Variants in BTG4 observed in about 807,000 individuals in gnomAD.
BTG4 encodes BTG anti-proliferation factor 4.
In BTG4, 10 loss-of-function variants were observed where a neutral mutation model predicts 19.3. That is an observed-to-expected ratio of 0.52 (90% CI 0.32 to 0.88). The LOEUF (loss-of-function observed/expected upper bound fraction) is 0.88, where lower values mean the gene tolerates loss of function less well. BTG4 is among the 40% of genes least tolerant of loss of function. BTG4 has a pLI of 0.04. For synonymous variants in BTG4, 91 were observed against 95.7 expected (o/e 0.95, Z 0.29); for missense variants, 238 against 281.9 (o/e 0.84, Z 1.11).
intron 5 of BTG4, among the ~76,000 whole-genome samples, chr11:111,488,052 G>C (rs1486033579): frequency 6.6e-6 from 1 of 152,068 alleles, no homozygotes; most frequent in African/African-American, 2.4e-5. Flanking sequence ...CAGATTCAAT[G>C]CAATCCCTAT....
the BTG4 span, among the ~76,000 whole-genome samples, chr11:111,407,176 T>C: frequency 6.7e-6 from 1 of 148,506 alleles, no homozygotes; most frequent in East Asian, 1.9e-4. Flanking sequence ...TAATACTATG[T>C]AGTATATATA....
chr11:111,486,246 G>A (rs1865053511), intron 5 of BTG4, among the ~76,000 whole-genome samples: 1 of 152,148 alleles, frequency 6.6e-6, no homozygotes, highest in Admixed American at 6.5e-5. Context: ...GAACCAGCCT[G>A]GGCAACATGG....
At chr11:111,455,797 C>T in the BTG4 span, 1 of 455,958 alleles carries the variant, frequency 2.2e-6, no homozygotes, top group South Asian at 1.6e-5. Flanking sequence ...CCACCTGTCC[C>T]AGGTCGTGCT....
chr11:111,432,035 C>G, the BTG4 span, among the ~76,000 whole-genome samples: 1 of 152,196 alleles, frequency 6.6e-6, no homozygotes, highest in Non-Finnish European at 1.5e-5. Flanking sequence ...AGCACACCAG[C>G]ACATCAGTGC....
chr11:111,392,653 A>G, the BTG4 span, among the ~76,000 whole-genome samples: 2 of 152,088 alleles, frequency 1.3e-5, no homozygotes, highest in South Asian at 4.1e-4. Context: ...TCTCTTCTAT[A>G]ACACCTAGCT....
chr11:111,391,018 G>A, the BTG4 span, among the ~76,000 whole-genome samples: 1 of 152,224 alleles, frequency 6.6e-6, no homozygotes, highest in African/African-American at 2.4e-5. Flanking sequence ...AAGCACCTTA[G>A]GTTTCTTTCG....
the BTG4 span, among the ~76,000 whole-genome samples, chr11:111,402,858 T>TTAATAA: frequency 3.8e-4 from 57 of 151,120 alleles, no homozygotes; most frequent in Admixed American, 1.6e-3. Flanking sequence ...CAAGACCAAA[T>TTAATAA]TAATAATAAT....
At chr11:111,443,387 T>C in the BTG4 span, among the ~76,000 whole-genome samples, 89 of 152,336 alleles carry the variant, frequency 5.8e-4, 1 homozygote, top group Non-Finnish European at 1.6e-4. Flanking sequence ...CAGTTAATAA[T>C]AATGTATTGG....
intron 5 of BTG4, among the ~76,000 whole-genome samples, chr11:111,480,278 C>G (rs1200540886): frequency 6.6e-6 from 1 of 151,864 alleles, no homozygotes; most frequent in Non-Finnish European, 1.5e-5. Context: ...GTCAATCTAC[C>G]AAGAATACAT....
the BTG4 span, among the ~76,000 whole-genome samples, chr11:111,388,263 T>C: frequency 6.6e-6 from 1 of 151,440 alleles, no homozygotes; most frequent in Non-Finnish European, 1.5e-5. Flanking sequence ...TCAGTAGATC[T>C]GGAGTGGCCA....
At chr11:111,386,008 T>A in the BTG4 span, 2 of 152,026 alleles carry the variant, frequency 1.3e-5, no homozygotes, top group African/African-American at 2.4e-5. Context: ...CACAAAAAAA[T>A]TTAAAAATTA....
At chr11:111,444,920 C>T in the BTG4 span, among the ~76,000 whole-genome samples, 11 of 152,254 alleles carry the variant, frequency 7.2e-5, no homozygotes, top group African/African-American at 2.2e-4. Flanking sequence ...TCCAAGGCAA[C>T]GGTCAACCAA....
At chr11:111,430,505 C>T in the BTG4 span, among the ~76,000 whole-genome samples, 1 of 152,214 alleles carries the variant, frequency 6.6e-6, no homozygotes, top group African/African-American at 2.4e-5. Context: ...CCTTTGTCCA[C>T]AAGCAATTTC....
upstream of BTG4, chr11:111,512,914 G>C (rs1307102596): frequency 2.3e-6 from 1 of 443,600 alleles, no homozygotes; most frequent in Admixed American, 2.6e-5. Context: ...CGGACCGTCC[G>C]GGAGCTGCAG....
the BTG4 span, among the ~76,000 whole-genome samples, chr11:111,424,667 A>G: frequency 6.6e-6 from 1 of 152,250 alleles, no homozygotes; most frequent in Non-Finnish European, 1.5e-5. Context: ...TATTAATTCA[A>G]TAAAATTAGG....
the BTG4 span, among the ~76,000 whole-genome samples, chr11:111,391,253 C>A: frequency 1.3e-5 from 2 of 152,158 alleles, no homozygotes; most frequent in Non-Finnish European, 2.9e-5. Flanking sequence ...AAGACAATGG[C>A]CCCAGTTGCT....
At chr11:111,421,921 A>C in the BTG4 span, among the ~76,000 whole-genome samples, 1 of 152,010 alleles carries the variant, frequency 6.6e-6, no homozygotes, top group African/African-American at 2.4e-5. Context: ...AGACAAAAAA[A>C]AAGGCAGAAG....
At chr11:111,434,600 T>TA in the BTG4 span, among the ~76,000 whole-genome samples, 21 of 149,014 alleles carry the variant, frequency 1.4e-4, no homozygotes, top group South Asian at 4.2e-4. Context: ...CACTATACTT[T>TA]AAAAAAAAAG....
chr11:111,398,747 C>T, the BTG4 span, among the ~76,000 whole-genome samples: 1 of 151,950 alleles, frequency 6.6e-6, no homozygotes, highest in African/African-American at 2.4e-5. Flanking sequence ...GGCTGTCAGG[C>T]CTGGTGGTGA....
Sources: gnomAD v4.1 joint callset for allele counts (sites outside exome capture counted in the v4.1 genomes callset) on GRCh38, gnomAD v4.1.1 for gene constraint, MANE v1.5 for transcripts, NCBI Gene and HGNC (gene_info 2026-07-23, HGNC 2026-07-21) for gene names.